NCAM2: variants seen among roughly 807,000 people sequenced by gnomAD.
NCAM2 encodes the protein neural cell adhesion molecule 2.
A neutral mutation model predicts 98.1 loss-of-function variants in NCAM2; 30 were observed. The observed-to-expected ratio is 0.31, with a 90% CI of 0.23 to 0.41. The LOEUF (loss-of-function observed/expected upper bound fraction) is 0.41, where lower values mean the gene tolerates loss of function less well. Ranked by LOEUF, NCAM2 falls within the 10% of genes least tolerant of loss-of-function variation. The pLI, the probability that NCAM2 is intolerant of heterozygous loss-of-function variation, is 1.00. For missense variants in NCAM2, 867 were observed against 1,005.8 expected, an observed-to-expected ratio of 0.86 and a Z score of 1.87; for synonymous variants, 368 against 342.4, an observed-to-expected ratio of 1.07 and a Z score of -0.83.
chr21:21,156,465 C>G (rs1002607590), intron 1 of NCAM2, among the ~76,000 whole-genome samples: 1 of 151,750 alleles, frequency 6.6e-6, no homozygotes, highest in South Asian at 2.1e-4. Context: ...TATACCTAGT[C>G]AGAAAAAAAA....
At chr21:21,281,754 C>T (rs2072938068) in intron 2 of NCAM2, among the ~76,000 whole-genome samples, 1 of 151,604 alleles carries the variant, frequency 6.6e-6, no homozygotes, top group African/African-American at 2.4e-5. Context: ...CTTGATTACA[C>T]TAAATCAACT....
At chr21:21,467,428 T>TATATATATATATATCTTTA (rs1555902035) in intron 13 of NCAM2, among the ~76,000 whole-genome samples, 52,695 of 140,394 alleles carry the variant, frequency 0.38, 10,802 homozygotes, top group Non-Finnish European at 0.46. Flanking sequence ...ATATATCTTT[T>TATATATATATATATCTTTA]TATATATATA....
intron 1 of NCAM2, among the ~76,000 whole-genome samples, chr21:21,117,723 C>T (rs1437566514): frequency 6.6e-6 from 1 of 152,102 alleles, no homozygotes; most frequent in Non-Finnish European, 1.5e-5. Flanking sequence ...TGGACCTAGT[C>T]TTTTTTCTTC....
chr21:21,532,406 A>G (rs1435747939), intron 16 of NCAM2, among the ~76,000 whole-genome samples: 1 of 152,134 alleles, frequency 6.6e-6, no homozygotes, highest in East Asian at 1.9e-4. Context: ...ATAAAAATTA[A>G]AATTAAAAAG....
chr21:21,509,349 G>A (rs1460080), intron 16 of NCAM2, among the ~76,000 whole-genome samples: 39,928 of 151,908 alleles, frequency 0.26, 6,155 homozygotes, highest in East Asian at 0.43. Flanking sequence ...ATGGATAGTT[G>A]TGCAAATGTA....
intron 12 of NCAM2, among the ~76,000 whole-genome samples, chr21:21,437,342 T>G (rs887338412): frequency 2.0e-5 from 3 of 152,108 alleles, no homozygotes; most frequent in Non-Finnish European, 4.4e-5. Context: ...CCACACAACA[T>G]TTCTTCCAAC....
intron 1 of NCAM2, among the ~76,000 whole-genome samples, chr21:21,138,296 C>G (rs953399369): frequency 5.9e-5 from 9 of 152,154 alleles, no homozygotes; most frequent in Admixed American, 5.2e-4. Flanking sequence ...ATTCTGCAAA[C>G]CAGCATTGCA....
chr21:21,317,149 G>T (rs1432778230), intron 5 of NCAM2, among the ~76,000 whole-genome samples: 1 of 152,094 alleles, frequency 6.6e-6, no homozygotes, highest in African/African-American at 2.4e-5. Context: ...ACATCACGTG[G>T]ACACATTATC....
rs555731814 is a variant in NCAM2, at chr21:21,184,619, T to C, written c.56-95959T>C. On this transcript the variant is annotated intron_variant, in intron 1 of 17. Transcript: ENST00000400546. ...GTTAATAATAACTAATCCAGACCTC[T>C]ATAGCAAATTAAAATCAGGATGGTT... is the stretch of plus-strand genomic sequence containing the variant. Among the ~76,000 whole-genome samples the C allele has an allele frequency of 2.6e-5, 4 of 152,264 alleles. No individual in the cohort carries two copies. The East Asian group carries it at 7.7e-4, about 29-fold the overall frequency.
chr21:21,329,619 T>C (rs1486926678), intron 6 of NCAM2, among the ~76,000 whole-genome samples: 1 of 152,178 alleles, frequency 6.6e-6, no homozygotes, highest in Non-Finnish European at 1.5e-5. Flanking sequence ...ATGAGAAATA[T>C]TGTTCCATCA....
intron 16 of NCAM2, among the ~76,000 whole-genome samples, chr21:21,519,108 GTCAGAGAAAGAGAAACTGGTATAAATA>G (rs1988872365): frequency 6.6e-6 from 1 of 152,074 alleles, no homozygotes; most frequent in African/African-American, 2.4e-5. Flanking sequence ...ATTGGTGAGA[GTCAGAGAAAGAGAAACTGGTATAAATA>G]TCAGATTGGG....
chr21:21,447,627 A>G (rs1555897934), intron 12 of NCAM2, among the ~76,000 whole-genome samples: 1 of 152,066 alleles, frequency 6.6e-6, no homozygotes, highest in Non-Finnish European at 1.5e-5. Context: ...GTGGGAGAAA[A>G]TGTTTGCAAT....
intron 1 of NCAM2, among the ~76,000 whole-genome samples, chr21:21,247,549 C>G (rs759632134): frequency 1.3e-5 from 2 of 151,922 alleles, no homozygotes; most frequent in Admixed American, 1.3e-4. Context: ...ATATAGCTAC[C>G]CTATAATTTA....
At chr21:21,002,947 T>G (rs540453421) in intron 1 of NCAM2, among the ~76,000 whole-genome samples, 22 of 152,180 alleles carry the variant, frequency 1.4e-4, no homozygotes, top group Non-Finnish European at 2.5e-4. Context: ...GAGAACACTT[T>G]AAGATGCAAC....
chr21:21,052,382 A>G (rs1027237502), intron 1 of NCAM2, among the ~76,000 whole-genome samples: 2 of 152,040 alleles, frequency 1.3e-5, no homozygotes, highest in African/African-American at 4.8e-5. Context: ...ACAGGCTGGT[A>G]TAGAACTCCT....
At chr21:21,518,131 A>G (rs1988814535) in intron 16 of NCAM2, among the ~76,000 whole-genome samples, 1 of 152,228 alleles carries the variant, frequency 6.6e-6, no homozygotes, top group Admixed American at 6.5e-5. Context: ...ATAATAATTT[A>G]TGCATCAGGG....
At chr21:21,320,914 T>C (rs2074358684) in intron 5 of NCAM2, among the ~76,000 whole-genome samples, 1 of 152,190 alleles carries the variant, frequency 6.6e-6, no homozygotes, top group African/African-American at 2.4e-5. Context: ...CCCAGGTGTT[T>C]CACTTTTCTA....
intron 12 of NCAM2, among the ~76,000 whole-genome samples, chr21:21,450,771 C>CATGTATGTATGT (rs147604225): frequency 2.9e-5 from 4 of 135,594 alleles, no homozygotes; most frequent in African/African-American, 1.1e-4. Context: ...TCCTCCCCAT[C>CATGTATGTATGT]ATGTATGTAT....
chr21:21,092,344 G>T (rs1283812884), intron 1 of NCAM2, among the ~76,000 whole-genome samples: 1 of 151,632 alleles, frequency 6.6e-6, no homozygotes, highest in Non-Finnish European at 1.5e-5. Flanking sequence ...CATTTGGGTG[G>T]AGTATAAATT....
Sources: gnomAD v4.1 joint callset for allele counts (sites outside exome capture counted in the v4.1 genomes callset) on GRCh38, gnomAD v4.1.1 for gene constraint, MANE v1.5 for transcripts, NCBI Gene and HGNC (gene_info 2026-07-23, HGNC 2026-07-21) for gene names.